The following SLC35F4 variants were observed in gnomAD, a reference collection of about 807,000 sequenced individuals.
SLC35F4 encodes chromosome 14 open reading frame 36.
Under a neutral mutation model 44.2 loss-of-function variants are expected in SLC35F4, and 24 were observed. The ratio of observed to expected loss-of-function variants is 0.54; its 90% CI spans 0.39 to 0.76. The LOEUF (loss-of-function observed/expected upper bound fraction) is 0.76. Ranked by LOEUF, SLC35F4 falls within the 30% of genes least tolerant of loss-of-function variation. SLC35F4 has a pLI of 0.00. For synonymous variants in SLC35F4, 238 were observed against 223.6 expected, an observed-to-expected ratio of 1.06 and a Z score of -0.57; for missense variants, 562 against 586.1, an observed-to-expected ratio of 0.96 and a Z score of 0.42.
At chr14:57,959,617 C>T (rs1339935072) in intron 1 of SLC35F4, among the ~76,000 whole-genome samples, 2 of 152,142 alleles carry the variant, frequency 1.3e-5, no homozygotes, top group Admixed American at 6.5e-5. Flanking sequence ...CTTTCGCAGC[C>T]GAAAGCCATG....
At chr14:57,856,888 T>C (rs540211438) in intron 1 of SLC35F4, among the ~76,000 whole-genome samples, 1 of 152,052 alleles carries the variant, frequency 6.6e-6, no homozygotes, top group Non-Finnish European at 1.5e-5. Flanking sequence ...ACCAGGAAGA[T>C]CAATACTAAC....
intron 1 of SLC35F4, among the ~76,000 whole-genome samples, chr14:57,954,185 A>C (rs1316210150): frequency 6.6e-6 from 1 of 152,192 alleles, no homozygotes. Context: ...CTACTGGGTA[A>C]ATAACAAAAT....
chr14:57,682,803 G>A (rs577746252), intron 1 of SLC35F4, among the ~76,000 whole-genome samples: 2 of 152,232 alleles, frequency 1.3e-5, no homozygotes, highest in Admixed American at 1.3e-4. Flanking sequence ...CCTTGGGCAA[G>A]GCACTTAATC....
intron 1 of SLC35F4, among the ~76,000 whole-genome samples, chr14:57,808,685 G>A (rs1956694): frequency 0.45 from 68,549 of 150,698 alleles, 17,732 homozygotes; most frequent in African/African-American, 0.69. Flanking sequence ...GCAAAACTGC[G>A]GTGCCAGCTA....
intron 1 of SLC35F4, among the ~76,000 whole-genome samples, chr14:57,713,711 C>A (rs2075867203): frequency 6.6e-6 from 1 of 152,210 alleles, no homozygotes; most frequent in South Asian, 2.1e-4. Flanking sequence ...CAGAGTCTAG[C>A]CTGGTATCTG....
chr14:57,705,953 T>C (rs866850314), intron 1 of SLC35F4, among the ~76,000 whole-genome samples: 1 of 152,156 alleles, frequency 6.6e-6, no homozygotes, highest in African/African-American at 2.4e-5. Flanking sequence ...TCAGGGTACA[T>C]GCCTAGTGCT....
rs531573249 is a variant in SLC35F4 at position 57,940,181 on chromosome 14, G to C, written n.282+41732C>G. ...AAGTCTACAGACACCCCAGGGTCAG[G>C]GCTCAGTATTGTCATCCATTGAATT... On this transcript the variant is annotated intron_variant and non_coding_transcript_variant, in intron 1 of 1. Coordinates refer to the SLC35F4 transcript ENST00000556568. 2.7e-3 allele frequency among the ~76,000 whole-genome samples: 417 copies of C among 152,212 alleles called. 1 individual carries two copies. Among genetic ancestry groups the C allele is most frequent in the South Asian group, 0.02 (96 of 4,822 alleles).
chr14:57,796,182 AC>A (rs2078050088), intron 1 of SLC35F4, among the ~76,000 whole-genome samples: 1 of 152,004 alleles, frequency 6.6e-6, no homozygotes, highest in Non-Finnish European at 1.5e-5. Flanking sequence ...CATTTTCTTT[AC>A]CCAGTCCACC....
intron 1 of SLC35F4, among the ~76,000 whole-genome samples, chr14:57,936,827 G>A (rs1889805267): frequency 6.6e-6 from 1 of 152,178 alleles, no homozygotes; most frequent in Non-Finnish European, 1.5e-5. Context: ...TTTGGGCCAT[G>A]GAGGAGCATT....
chr14:57,886,434 G>A (rs987953816), intron 1 of SLC35F4, among the ~76,000 whole-genome samples: 2 of 152,114 alleles, frequency 1.3e-5, no homozygotes, highest in Non-Finnish European at 2.9e-5. Context: ...TCCTAAAAAA[G>A]ATCTGTCTCT....
intron 3 of SLC35F4, among the ~76,000 whole-genome samples, chr14:57,585,668 A>C (rs2069659283): frequency 1.3e-5 from 2 of 152,192 alleles, no homozygotes; most frequent in Non-Finnish European, 2.9e-5. Flanking sequence ...ATCAATGTGC[A>C]AATATCACAA....
At chr14:57,702,701 T>C (rs1379871437) in intron 1 of SLC35F4, among the ~76,000 whole-genome samples, 1 of 152,214 alleles carries the variant, frequency 6.6e-6, no homozygotes, top group African/African-American at 2.4e-5. Flanking sequence ...GCCAGCAAAT[T>C]ACAGCACCAG....
chr14:57,685,841 T>C (rs1039858900), intron 1 of SLC35F4, among the ~76,000 whole-genome samples: 1 of 152,212 alleles, frequency 6.6e-6, no homozygotes, highest in Non-Finnish European at 1.5e-5. Context: ...GAGGGACTCT[T>C]CTCACTGCTG....
chr14:57,658,203 T>C (rs1477528540), intron 1 of SLC35F4, among the ~76,000 whole-genome samples: 1 of 152,120 alleles, frequency 6.6e-6, no homozygotes. Flanking sequence ...ATGCTCAGAG[T>C]CTCAGATGAA....
chr14:57,774,950 C>A (rs1351107433), intron 1 of SLC35F4, among the ~76,000 whole-genome samples: 1 of 151,732 alleles, frequency 6.6e-6, no homozygotes, highest in African/African-American at 2.4e-5. Context: ...CTACCCCCCA[C>A]CACACCACCA....
At chr14:57,889,197 T>C (rs1324063158) in intron 1 of SLC35F4, among the ~76,000 whole-genome samples, 2 of 152,228 alleles carry the variant, frequency 1.3e-5, no homozygotes, top group Non-Finnish European at 2.9e-5. Context: ...TCTGTGATTC[T>C]CAGAAACTGT....
chr14:57,743,809 C>T (rs560023302), intron 1 of SLC35F4, among the ~76,000 whole-genome samples: 10 of 152,226 alleles, frequency 6.6e-5, no homozygotes, highest in East Asian at 5.8e-4. Flanking sequence ...TGATGAACAT[C>T]GATGCAAAAA....
chr14:57,877,235 C>T (rs2141030340), intron 1 of SLC35F4, among the ~76,000 whole-genome samples: 1 of 152,246 alleles, frequency 6.6e-6, no homozygotes, highest in Middle Eastern at 3.4e-3. Flanking sequence ...ATTTAGCTCC[C>T]ATTTGTAAGT....
intron 1 of SLC35F4, chr14:57,630,334 G>C (rs2072706654): frequency 1.7e-6 from 1 of 590,420 alleles, no homozygotes; most frequent in Non-Finnish European, 3.2e-6. Context: ...TATAGTCCTA[G>C]AAACAGTAGA....
Sources: gnomAD v4.1 joint callset for allele counts (sites outside exome capture counted in the v4.1 genomes callset) on GRCh38, gnomAD v4.1.1 for gene constraint, MANE v1.5 for transcripts, NCBI Gene and HGNC (gene_info 2026-07-23, HGNC 2026-07-21) for gene names.